NALF1: variants seen among roughly 807,000 people sequenced by gnomAD.
NALF1 encodes the protein family with sequence similarity 155 member A.
In NALF1, 3 loss-of-function variants were observed where a neutral mutation model predicts 48.4. That is an observed-to-expected ratio of 0.06 (90% CI 0.03 to 0.16). NALF1 has a LOEUF of 0.16. Among genes scored for constraint, NALF1 ranks in the 10% least tolerant of loss-of-function variants. The probability of loss-of-function intolerance (pLI) is 1.00; values close to 1 mark genes in which losing one functional copy is unlikely to be tolerated. For missense variants in NALF1, 526 were observed against 571.5 expected, an observed-to-expected ratio of 0.92 and a Z score of 0.81; for synonymous variants, 262 against 245.7, an observed-to-expected ratio of 1.07 and a Z score of -0.62.
At chr13:107,278,352 C>A (rs1260021037) in intron 1 of NALF1, among the ~76,000 whole-genome samples, 2 of 152,180 alleles carry the variant, frequency 1.3e-5, no homozygotes. Context: ...CTTGACAAGT[C>A]CATATTATTT....
In NALF1 at chr13:107,407,911, T is replaced by C. The variant is rs181806313; in HGVS notation, c.916-197156A>G. Among the ~76,000 whole-genome samples, 11 of 152,226 alleles carry C rather than the reference T, an allele frequency of 7.2e-5. No individual in the cohort carries two copies. The East Asian group carries it at 1.9e-3, about 27-fold the overall frequency. Reference sequence around the variant, plus strand: ...GGTACATATACTCAATGGAGTACTATTCCTCCATTTAAAAAAGAATGAGAT... The same window carrying C: ...GGTACATATACTCAATGGAGTACTACTCCTCCATTTAAAAAAGAATGAGAT... On this transcript the variant is annotated intron_variant, in intron 1 of 2. Coordinates refer to ENST00000375915, the MANE Select transcript of NALF1 (RefSeq NM_001080396.3).
intron 1 of NALF1, among the ~76,000 whole-genome samples, chr13:107,799,516 C>G (rs1878536694): frequency 6.6e-6 from 1 of 152,080 alleles, no homozygotes. Context: ...ACATCACATC[C>G]CCCCAAACAC....
At chr13:107,744,916 C>T (rs1204908091) in intron 1 of NALF1, among the ~76,000 whole-genome samples, 4 of 152,202 alleles carry the variant, frequency 2.6e-5, no homozygotes, top group Non-Finnish European at 4.4e-5. Context: ...TTTCATTCAT[C>T]TCACCGTGAC....
chr13:107,301,159 T>C (rs1881829579), intron 1 of NALF1, among the ~76,000 whole-genome samples: 1 of 152,214 alleles, frequency 6.6e-6, no homozygotes, highest in African/African-American at 2.4e-5. Context: ...TACTGAAGTC[T>C]AGTTCCCCAC....
intron 1 of NALF1, among the ~76,000 whole-genome samples, chr13:107,698,318 G>C (rs1187921046): frequency 2.6e-5 from 4 of 152,048 alleles, no homozygotes; most frequent in African/African-American, 9.7e-5. Context: ...AAATTCAGGA[G>C]GTACTGCTAA....
At chr13:107,329,652 T>A (rs1296016380) in intron 1 of NALF1, among the ~76,000 whole-genome samples, 11 of 82,894 alleles carry the variant, frequency 1.3e-4, no homozygotes, top group South Asian at 9.8e-4. Flanking sequence ...CCCTCCCCCC[T>A]CCCCCCACGC....
chr13:107,755,756 C>T (rs1245344250), intron 1 of NALF1, among the ~76,000 whole-genome samples: 4 of 152,234 alleles, frequency 2.6e-5, no homozygotes, highest in African/African-American at 9.6e-5. Flanking sequence ...CTACCGCAGA[C>T]TTGGAGGCAA....
intron 1 of NALF1, among the ~76,000 whole-genome samples, chr13:107,213,819 T>C (rs1879817616): frequency 6.6e-6 from 1 of 152,190 alleles, no homozygotes; most frequent in Admixed American, 6.5e-5. Flanking sequence ...GAAAACTGTG[T>C]TATGTGAAGA....
At position 107,853,121 on chromosome 13, in the gene NALF1, T is replaced by C. The variant is rs564828887; in HGVS notation, c.915+12561A>G. Among the ~76,000 whole-genome samples the C allele has an allele frequency of 5.3e-5, 8 of 152,374 alleles. No homozygotes were observed. In the South Asian group the frequency reaches 1.7e-3, roughly 32 times the overall value. On this transcript the variant is annotated intron_variant, in intron 1 of 2. Transcript: ENST00000375915. ...CATCACATGGAAAAAAAGGAAATTG[T>C]TGAGTGCTGTATAGTGTCTTCAGCT...
intron 1 of NALF1, among the ~76,000 whole-genome samples, chr13:107,255,679 C>G (rs575490543): frequency 1.3e-5 from 2 of 152,252 alleles, no homozygotes; most frequent in African/African-American, 4.8e-5. Flanking sequence ...TATACAGTAT[C>G]TAATGCTCAC....
chr13:107,555,399 A>G (rs1056172162), intron 1 of NALF1, among the ~76,000 whole-genome samples: 1 of 148,890 alleles, frequency 6.7e-6, no homozygotes, highest in Non-Finnish European at 1.5e-5. Flanking sequence ...CAGCCTCCCA[A>G]GTAGCTGGGA....
At chr13:107,695,120 C>T (rs1049831064) in intron 1 of NALF1, among the ~76,000 whole-genome samples, 1 of 152,144 alleles carries the variant, frequency 6.6e-6, no homozygotes, top group Non-Finnish European at 1.5e-5. Flanking sequence ...ATAGGTTCTA[C>T]TCCTCAACTA....
intron 1 of NALF1, among the ~76,000 whole-genome samples, chr13:107,633,901 A>G (rs1879904499): frequency 6.7e-6 from 1 of 148,348 alleles, no homozygotes; most frequent in Admixed American, 6.8e-5. Flanking sequence ...TATGAAACAC[A>G]TATATATGGA....
intron 1 of NALF1, among the ~76,000 whole-genome samples, chr13:107,399,251 T>TTATG (rs1191119234): frequency 1.3e-5 from 2 of 152,128 alleles, no homozygotes; most frequent in Non-Finnish European, 2.9e-5. Context: ...ATAGAATGTA[T>TTATG]TATGCTCTGG....
At chr13:107,651,485 T>C (rs1229151485) in intron 1 of NALF1, among the ~76,000 whole-genome samples, 1 of 152,210 alleles carries the variant, frequency 6.6e-6, no homozygotes, top group Non-Finnish European at 1.5e-5. Context: ...TTCTCTGAAA[T>C]AAGCAAAACT....
rs565331296 is a variant in NALF1, at chr13:107,442,623, T to G, written c.916-231868A>C. On this transcript the variant is annotated intron_variant, in intron 1 of 2. Coordinates refer to ENST00000375915, the MANE Select transcript of NALF1 (RefSeq NM_001080396.3). ...TCAAAATAATGATGTCTCTTGATAT[T>G]TAACCACAATTGTCCTCCAGCAAAC... Among the ~76,000 whole-genome samples, 5 of 152,306 alleles carry G rather than the reference T, an allele frequency of 3.3e-5. No homozygotes were observed. The East Asian group carries it at 7.7e-4, about 24-fold the overall frequency.
At chr13:107,700,610 G>A (rs1030918469) in intron 1 of NALF1, among the ~76,000 whole-genome samples, 10 of 152,032 alleles carry the variant, frequency 6.6e-5, no homozygotes, top group East Asian at 1.9e-4. Context: ...TTCAGTCCAC[G>A]AAAGCAAAAA....
chr13:107,337,294 G>T (rs529396106), intron 1 of NALF1, among the ~76,000 whole-genome samples: 2 of 152,156 alleles, frequency 1.3e-5, no homozygotes, highest in East Asian at 1.9e-4. Flanking sequence ...AGATTACTTT[G>T]CAAGAGGATA....
At chr13:107,459,304 C>T (rs1023300528) in intron 1 of NALF1, among the ~76,000 whole-genome samples, 3 of 151,782 alleles carry the variant, frequency 2.0e-5, no homozygotes, top group East Asian at 3.9e-4. Context: ...GGAAATTAAG[C>T]GTGTTATTTT....
Sources: gnomAD v4.1 joint callset for allele counts (sites outside exome capture counted in the v4.1 genomes callset) on GRCh38, gnomAD v4.1.1 for gene constraint, MANE v1.5 for transcripts, NCBI Gene and HGNC (gene_info 2026-07-23, HGNC 2026-07-21) for gene names.